Variants in KTN1 observed in about 807,000 individuals in gnomAD.
KTN1 encodes the protein kinectin.
KTN1 carries 130 observed loss-of-function variants against 222.5 expected under a neutral mutation model. That is an observed-to-expected ratio of 0.58 (90% CI 0.51 to 0.68). The LOEUF is 0.68. Ranked by LOEUF, KTN1 falls within the 30% of genes least tolerant of loss-of-function variation. The probability of loss-of-function intolerance (pLI) is 0.00; values close to 1 mark genes in which losing one functional copy is unlikely to be tolerated. For synonymous variants in KTN1, 512 were observed against 496.3 expected (o/e 1.03, Z -0.42); for missense variants, 1,508 against 1,500.4 (o/e 1.01, Z -0.08).
chr14:55,645,262 T>A (rs2042179111), intron 18 of KTN1, among the ~76,000 whole-genome samples: 1 of 152,154 alleles, frequency 6.6e-6, no homozygotes, highest in Non-Finnish European at 1.5e-5. Context: ...GATTGGCATA[T>A]TCAGAGTATT....
At position 55,634,129 on chromosome 14, in the gene KTN1, G is replaced by A. The variant is rs138166682; in HGVS notation, c.1329-397G>A. 5.5e-3 allele frequency among the ~76,000 whole-genome samples: 835 copies of A among 151,520 alleles called. 7 individuals carry two copies. Among genetic ancestry groups the A allele is most frequent in the Middle Eastern group, 0.014 (4 of 292 alleles). On this transcript the variant is annotated intron_variant, in intron 8 of 43. Transcript: ENST00000395314. ...AGCCTGGGTGACAGAGTCACACTCC[G>A]TCTCAAAAAAAAAAGACACTTTCCT...
intron 8 of KTN1, among the ~76,000 whole-genome samples, chr14:55,633,755 G>A (rs913914998): frequency 6.6e-6 from 1 of 151,992 alleles, no homozygotes; most frequent in African/African-American, 2.4e-5. Context: ...AGAACACCTG[G>A]CATTCTAATT....
At position 55,678,443 on chromosome 14, in the gene KTN1, C is replaced by T. The variant is rs548275870; in HGVS notation, c.3947C>T (p.Thr1316Met). 25 of 1,591,168 alleles carry T rather than the reference C, an allele frequency of 1.6e-5. No individual in the cohort carries two copies. The highest frequency in any genetic ancestry group is 1.1e-4 in the East Asian group (5 of 44,728). ...VIENSDVSPE[T>M]ESSEKETMSV... ...GAAAATAGTGATGTTTCCCCAGAAA[C>T]GGTATGTATTTTCTTCATCCCCAGA... is the stretch of plus-strand genomic sequence containing the variant. Residue 1316 changes from threonine (T) to methionine (M), a missense_variant and splice_region_variant, in exon 42 of 44, where the codon ACG (threonine) becomes ATG (methionine). Transcript: ENST00000395314.
In KTN1 at chr14:55,637,254, C is replaced by G; in HGVS notation, c.1606C>G (p.Leu536Val). The G allele has an allele frequency of 6.2e-7, 1 of 1,611,218 alleles. No homozygotes were observed. Among genetic ancestry groups the G allele is most frequent in the South Asian group, 1.1e-5 (1 of 90,796 alleles). Residue 536 changes from leucine (L) to valine (V), a missense_variant, in exon 11 of 44, where the codon CTT becomes GTT. Physicochemically the swap from Leu to Val is conservative, Grantham distance 32. Transcript: ENST00000395314. ...ENEVQSLHSK[L>V]TDTLVSKQQL... ...TGAAGTACAGAGTCTGCATAGTAAG[C>G]TTACAGATACCTTGGTATCAAAACA... is the stretch of plus-strand genomic sequence containing the variant.
At chr14:55,675,973 A>T in intron 41 of KTN1, 55 bp downstream of exon 41, 1 of 1,205,592 alleles carries the variant, frequency 8.3e-7, no homozygotes, top group Non-Finnish European at 1.2e-6. Context: ...TGTGTGTTCA[A>T]TCTTAAGCAA....
At chr14:55,602,168 T>C (rs1355674084) in intron 1 of KTN1, among the ~76,000 whole-genome samples, 1 of 152,254 alleles carries the variant, frequency 6.6e-6, no homozygotes, top group Non-Finnish European at 1.5e-5. Context: ...TTAGATTTGT[T>C]TTAGATTTTG....
At chr14:55,677,437 A>C (rs1224750239) in intron 41 of KTN1, among the ~76,000 whole-genome samples, 4 of 150,880 alleles carry the variant, frequency 2.7e-5, no homozygotes, top group Non-Finnish European at 5.9e-5. Context: ...AGATTACGCT[A>C]CTGCACTCTA....
chr14:55,589,821 G>A (rs936732026), intron 1 of KTN1, among the ~76,000 whole-genome samples: 1 of 151,816 alleles, frequency 6.6e-6, no homozygotes, highest in Non-Finnish European at 1.5e-5. Context: ...ACCACGCCCA[G>A]CTAATTTTTG....
At position 55,670,756 on chromosome 14, in the gene KTN1, G is replaced by GA. The variant is rs1438655793; in HGVS notation, c.3302dup (p.Ala1102GlyfsTer15). On this transcript the variant is annotated frameshift_variant, in exon 35 of 44. Coordinates refer to ENST00000395314, the MANE Select transcript of KTN1 (RefSeq NM_001079521.2). LOFTEE classifies it high-confidence loss of function. ...TTATGGTGAATGGTTGCATGGATTT[G>GA]AAAAAAAGGCAAAAGAATGTATGGC... 3 of 1,607,828 alleles carry GA rather than the reference G, an allele frequency of 1.9e-6. No individual in the cohort carries two copies. Among genetic ancestry groups the GA allele is most frequent in the Admixed American group, 1.7e-5 (1 of 59,688 alleles).
intron 2 of KTN1, among the ~76,000 whole-genome samples, chr14:55,613,969 G>T (rs539393853): frequency 3.2e-4 from 49 of 152,316 alleles, no homozygotes; most frequent in African/African-American, 1.2e-3. Flanking sequence ...AGGGGAGGCA[G>T]TTCCTGAGCA....
intron 28 of KTN1, among the ~76,000 whole-genome samples, chr14:55,654,316 TGAG>T (rs1247499601): frequency 6.6e-6 from 1 of 150,720 alleles, no homozygotes; most frequent in East Asian, 1.9e-4. Flanking sequence ...GTCAAGATAT[TGAG>T]GATATTTATT....
chr14:55,656,256 G>A, intron 29 of KTN1, 124 bp downstream of exon 29: 6 of 636,846 alleles, frequency 9.4e-6, no homozygotes, highest in Middle Eastern at 3.8e-4. Context: ...CAGATACTAG[G>A]TGTCATTATT....
At chr14:55,641,987 A>G (rs920764104) in intron 18 of KTN1, among the ~76,000 whole-genome samples, 3 of 152,216 alleles carry the variant, frequency 2.0e-5, no homozygotes, top group Non-Finnish European at 4.4e-5. Flanking sequence ...AAAAATGTGT[A>G]ATAGGATGCA....
At chr14:55,610,334 C>T (rs989471815) in intron 1 of KTN1, among the ~76,000 whole-genome samples, 1 of 151,656 alleles carries the variant, frequency 6.6e-6, no homozygotes, top group Non-Finnish European at 1.5e-5. Flanking sequence ...CCAGCAAATA[C>T]GTATTTTCAG....
intron 18 of KTN1, among the ~76,000 whole-genome samples, chr14:55,642,279 T>G (rs2041881162): frequency 6.6e-6 from 1 of 152,220 alleles, no homozygotes; most frequent in South Asian, 2.1e-4. Context: ...GCTTTGTTTA[T>G]GACAGGTATC....
At chr14:55,582,664 C>T (rs1458156216) in intron 1 of KTN1, among the ~76,000 whole-genome samples, 2 of 152,024 alleles carry the variant, frequency 1.3e-5, no homozygotes, top group South Asian at 2.1e-4. Flanking sequence ...ATTTTTATAG[C>T]AAATGAAGTT....
chr14:55,633,218 G>T lies in KTN1; in HGVS notation c.1222-17G>T. 1 of 1,490,882 alleles carries T rather than the reference G, an allele frequency of 6.7e-7. No individual in the cohort carries two copies. The highest frequency in any genetic ancestry group is 9.1e-7 in the Non-Finnish European group (1 of 1,094,876). 92.4% of individuals were successfully genotyped at this position (1,490,882 alleles called of 1,614,324 possible). A position where few individuals can be genotyped will look rare whatever the true frequency, so the allele number is the denominator to read the frequency against. ...AGTCTTTGTTTTCTAAGTTTTATGTGTGTAAAATAATTTTAGTTTCAGCAA... is the reference window on the plus strand; with the variant it reads ...AGTCTTTGTTTTCTAAGTTTTATGTTTGTAAAATAATTTTAGTTTCAGCAA... On this transcript the variant is annotated splice_polypyrimidine_tract_variant and intron_variant, in intron 7 of 43. Coordinates refer to ENST00000395314, the MANE Select transcript of KTN1 (RefSeq NM_001079521.2).
chr14:55,650,433 A>G lies in KTN1; in HGVS notation c.2496+15A>G, dbSNP rs756081449. 6.3e-7 allele frequency: 1 copy of G among 1,586,886 alleles called. No homozygotes were observed. Among genetic ancestry groups the G allele is most frequent in the East Asian group, 2.2e-5 (1 of 44,722 alleles). Reference sequence around the variant, plus strand: ...AAACTGTTCAGGTATTGGGAGACAGAGAACTGTGTTTTATGTTTTTGTTTA... The same window carrying G: ...AAACTGTTCAGGTATTGGGAGACAGGGAACTGTGTTTTATGTTTTTGTTTA... On this transcript the variant is annotated intron_variant, in intron 23 of 43. Coordinates refer to ENST00000395314, the MANE Select transcript of KTN1 (RefSeq NM_001079521.2).
intron 31 of KTN1, among the ~76,000 whole-genome samples, chr14:55,660,394 T>C (rs2043995790): frequency 6.7e-6 from 1 of 149,480 alleles, no homozygotes. Flanking sequence ...AAGGAGTTTT[T>C]TTTTTTTTTT....
Sources: allele counts gnomAD v4.1 joint callset (sites outside exome capture counted in the v4.1 genomes callset), GRCh38; gene constraint gnomAD v4.1.1; transcripts MANE v1.5; gene names NCBI Gene and HGNC (gene_info 2026-07-23, HGNC 2026-07-21).